The following CACNB2 variants were observed in gnomAD, a reference collection of about 807,000 sequenced individuals.
CACNB2 encodes calcium voltage-gated channel auxiliary subunit beta 2.
A neutral mutation model predicts 73.3 loss-of-function variants in CACNB2; 42 were observed. The observed-to-expected ratio is 0.57, with a 90% CI of 0.45 to 0.74. CACNB2 has a LOEUF of 0.74. Among genes scored for constraint, CACNB2 ranks in the 30% least tolerant of loss-of-function variants. The probability of loss-of-function intolerance (pLI) is 0.00; values close to 1 mark genes in which losing one functional copy is unlikely to be tolerated. For synonymous variants in CACNB2, 348 were observed against 310.3 expected, an observed-to-expected ratio of 1.12 and a Z score of -1.28; for missense variants, 940 against 853.0, an observed-to-expected ratio of 1.10 and a Z score of -1.27.
At chr10:18,343,592 T>C (rs1265137475) in intron 2 of CACNB2, among the ~76,000 whole-genome samples, 1 of 152,202 alleles carries the variant, frequency 6.6e-6, no homozygotes, top group Non-Finnish European at 1.5e-5. Context: ...CCTAGAGTTA[T>C]TCAGGGAAGG....
chr10:18,401,374 G>A (rs1197679794), intron 2 of CACNB2, among the ~76,000 whole-genome samples: 1 of 152,202 alleles, frequency 6.6e-6, no homozygotes, highest in Non-Finnish European at 1.5e-5. Context: ...GGAAGATGGA[G>A]TGAAGTTAGC....
intron 3 of CACNB2, among the ~76,000 whole-genome samples, chr10:18,433,160 G>A (rs771410822): frequency 6.6e-6 from 1 of 151,568 alleles, no homozygotes; most frequent in African/African-American, 2.4e-5. Flanking sequence ...ATCCTATTAA[G>A]TACAAGGCAG....
At chr10:18,260,634 G>T in intron 2 of CACNB2, 1 of 987,328 alleles carries the variant, frequency 1.0e-6, no homozygotes, top group Non-Finnish European at 1.2e-6. Flanking sequence ...ATTTTTCAGG[G>T]TCAGGGGAGG....
chr10:18,373,598 A>G (rs527977177), intron 2 of CACNB2, among the ~76,000 whole-genome samples: 1 of 152,320 alleles, frequency 6.6e-6, no homozygotes, highest in Non-Finnish European at 1.5e-5. Context: ...AGCCAACTGC[A>G]AAATCCAAGC....
At chr10:18,232,103 C>T (rs545468920) in intron 2 of CACNB2, among the ~76,000 whole-genome samples, 37 of 152,128 alleles carry the variant, frequency 2.4e-4, no homozygotes, top group Non-Finnish European at 4.7e-4. Context: ...AACAATGATA[C>T]ATACTTTCTG....
chr10:18,312,994 C>T (rs1173941057), intron 2 of CACNB2, among the ~76,000 whole-genome samples: 2 of 152,094 alleles, frequency 1.3e-5, no homozygotes, highest in Non-Finnish European at 2.9e-5. Flanking sequence ...ATAGCACTGA[C>T]ATCATATGGT....
intron 2 of CACNB2, among the ~76,000 whole-genome samples, chr10:18,349,195 G>A (rs565282222): frequency 1.3e-5 from 2 of 152,222 alleles, no homozygotes; most frequent in African/African-American, 4.8e-5. Flanking sequence ...GGACATTGCA[G>A]GAGGTGTGAT....
intron 2 of CACNB2, among the ~76,000 whole-genome samples, chr10:18,394,348 C>A (rs548114512): frequency 2.6e-5 from 4 of 152,160 alleles, no homozygotes; most frequent in Non-Finnish European, 5.9e-5. Context: ...AAAACTATCA[C>A]GATGCCTTTA....
intron 2 of CACNB2, among the ~76,000 whole-genome samples, chr10:18,279,644 G>C (rs2038454347): frequency 6.6e-6 from 1 of 152,216 alleles, no homozygotes; most frequent in African/African-American, 2.4e-5. Flanking sequence ...ATCATCCAAA[G>C]AGAAGTTATC....
chr10:18,213,135 G>A (rs572396960), intron 2 of CACNB2, among the ~76,000 whole-genome samples: 1 of 152,168 alleles, frequency 6.6e-6, no homozygotes, highest in Non-Finnish European at 1.5e-5. Context: ...GCCCTTGGCG[G>A]CAGGTCCTGT....
intron 3 of CACNB2, among the ~76,000 whole-genome samples, chr10:18,414,138 G>A (rs2044796238): frequency 6.6e-6 from 1 of 152,230 alleles, no homozygotes; most frequent in Non-Finnish European, 1.5e-5. Flanking sequence ...TCTCACAGCA[G>A]TTGCCATGGC....
At position 18,499,486 on chromosome 10, in the gene CACNB2, A is replaced by G. The variant is rs1589557504; in HGVS notation, c.456+1009A>G. ...AAAAATTATCTGGGTGTAGTGGCAC[A>G]TGCCTGTAATCTCAGCTACTCGAGA... On this transcript the variant is annotated intron_variant, in intron 4 of 13. Transcript: ENST00000324631. Among the ~76,000 whole-genome samples the G allele has an allele frequency of 5.3e-5, 8 of 152,098 alleles. No individual in the cohort carries two copies. In the South Asian group the frequency reaches 8.3e-4, roughly 16 times the overall value.
intron 2 of CACNB2, among the ~76,000 whole-genome samples, chr10:18,345,786 A>G (rs1180054090): frequency 2.0e-5 from 3 of 152,218 alleles, no homozygotes; most frequent in African/African-American, 7.2e-5. Context: ...ATCAACAGAT[A>G]GACTAGTCAC....
At chr10:18,457,787 G>A (rs1816283823) in intron 3 of CACNB2, among the ~76,000 whole-genome samples, 1 of 152,112 alleles carries the variant, frequency 6.6e-6, no homozygotes, top group South Asian at 2.1e-4. Context: ...CTACGTGGGA[G>A]GCTGAGGCAG....
At chr10:18,405,427 T>C (rs1019387422) in intron 3 of CACNB2, among the ~76,000 whole-genome samples, 2 of 152,256 alleles carry the variant, frequency 1.3e-5, no homozygotes, top group African/African-American at 4.8e-5. Flanking sequence ...ATTTAGGTAT[T>C]GTGCGTAATG....
Position 18,402,035 on chromosome 10 carries a change from A to G in CACNB2, c.325A>G (p.Lys109Glu). The G allele has an allele frequency of 1.2e-6, 2 of 1,613,898 alleles. No individual in the cohort carries two copies. Among genetic ancestry groups the G allele is most frequent in the Non-Finnish European group, 1.7e-6 (2 of 1,179,958 alleles). ...AERQAQAQLE[K>E]AKTKPVAFAV... The stretch of plus-strand genomic sequence containing the variant: ...GCGGCAGGCCCAGGCACAGTTGGAA[A>G]AAGCAAAGGTAAAATCGTTTCCTCC... The change falls in exon 3 of 14, where the codon AAA (lysine) becomes GAA (glutamate). Residue 109 changes from lysine (K) to glutamate (E), a missense_variant. By Grantham distance (56) the Lys-to-Glu change is moderately conservative. Transcript: ENST00000324631.
intron 2 of CACNB2, among the ~76,000 whole-genome samples, chr10:18,293,671 C>T (rs2039159850): frequency 6.6e-6 from 1 of 152,166 alleles, no homozygotes; most frequent in South Asian, 2.1e-4. Context: ...AGTTTCATTT[C>T]CTCAGGTTAA....
intron 3 of CACNB2, among the ~76,000 whole-genome samples, chr10:18,417,360 CTTTTTTTTTTTT>C (rs34847923): frequency 1.1e-5 from 1 of 87,014 alleles, no homozygotes; most frequent in African/African-American, 5.2e-5. Flanking sequence ...GCTAAAAATT[CTTTTTTTTTTTT>C]TTTTTTTTTT....
intron 2 of CACNB2, among the ~76,000 whole-genome samples, chr10:18,220,220 TATATATATATATAGAG>T (rs2035706989): frequency 2.1e-5 from 1 of 46,662 alleles, no homozygotes; most frequent in African/African-American, 1.9e-4. Flanking sequence ...TATATATATA[TATATATATATATAGAG>T]AGAGAGAGAG....
Sources: gnomAD v4.1 joint callset for allele counts (sites outside exome capture counted in the v4.1 genomes callset) on GRCh38, gnomAD v4.1.1 for gene constraint, MANE v1.5 for transcripts, NCBI Gene and HGNC (gene_info 2026-07-23, HGNC 2026-07-21) for gene names.